Variants in GOLGB1 observed in about 807,000 individuals in gnomAD.
GOLGB1 encodes the protein golgin B1, also known as golgin subfamily B member 1.
In GOLGB1, 174 loss-of-function variants were observed where a neutral mutation model predicts 336.9. The ratio of observed to expected loss-of-function variants is 0.52; its 90% CI spans 0.46 to 0.59. The LOEUF (loss-of-function observed/expected upper bound fraction) is 0.59. Among genes scored for constraint, GOLGB1 ranks in the 20% least tolerant of loss-of-function variants. GOLGB1 has a pLI of 0.00. For missense variants in GOLGB1, 3,331 were observed against 3,645.3 expected (o/e 0.91, Z 2.22); for synonymous variants, 1,208 against 1,289.2 (o/e 0.94, Z 1.35).
intron 1 of GOLGB1, among the ~76,000 whole-genome samples, chr3:121,739,983 C>T (rs2108381335): frequency 6.6e-6 from 1 of 152,226 alleles, no homozygotes; most frequent in South Asian, 2.1e-4. Context: ...TATACAATTC[C>T]ATACTTCTAT....
chr3:121,749,620 TC>T lies in GOLGB1; in HGVS notation c.-3+11del, dbSNP rs1344152609. On this transcript the variant is annotated intron_variant, in intron 1 of 21. Coordinates refer to ENST00000614479, the MANE Select transcript of GOLGB1 (RefSeq NM_001366282.2). Reference sequence around the variant, plus strand: ...TCGCAGAGGGAAGAGTTGGGTAGCGTCCCCTACTCACCTAGAAGCGCTGCCG... The same window carrying T: ...TCGCAGAGGGAAGAGTTGGGTAGCGTCCCTACTCACCTAGAAGCGCTGCCG... 4 of 152,136 alleles carry T rather than the reference TC, an allele frequency of 2.6e-5. No individual in the cohort carries two copies. Among genetic ancestry groups the T allele is most frequent in the Admixed American group, 2.6e-4 (4 of 15,278 alleles). 9.4% of individuals were successfully genotyped at this position (152,136 alleles called of 1,614,324 possible).
intron 5 of GOLGB1, among the ~76,000 whole-genome samples, chr3:121,723,898 T>C (rs1364914809): frequency 6.6e-6 from 1 of 151,990 alleles, no homozygotes; most frequent in South Asian, 2.1e-4. Flanking sequence ...AGGATGAAGG[T>C]CATATCCCAT....
chr3:121,664,887 G>C, intron 21 of GOLGB1, 39 bp downstream of exon 21: 1 of 1,240,326 alleles, frequency 8.1e-7, no homozygotes, highest in Non-Finnish European at 1.2e-6. Context: ...AGCCCTGTCA[G>C]ATAATAAAAC....
Position 121,698,924 on chromosome 3 carries a change from G to A in GOLGB1, c.1599C>T (p.Ser533=). 2.0e-6 allele frequency: 3 copies of A among 1,532,416 alleles called. No homozygotes were observed. The highest frequency in any genetic ancestry group is 2.3e-5 in the East Asian group (1 of 43,874). The allele number at this position is 1,532,416 out of a possible 1,614,324, so 94.9% of individuals were successfully genotyped here. A position where few individuals can be genotyped will look rare whatever the true frequency, so the allele number is the denominator to read the frequency against. ...GEADREVSEI[S]IVDIANKRSS... ...TCCTCTTGTTGGCAATATCAACAAT[G>A]CTGATCTATTTTTAAAAAAGAAAAA... Residue 533 remains serine (S), a synonymous_variant, in exon 13 of 22, where the codon AGC becomes AGT. Transcript: ENST00000614479.
intron 18 of GOLGB1, chr3:121,668,630 G>A (rs1184235510): frequency 6.9e-6 from 1 of 145,854 alleles, no homozygotes; most frequent in African/African-American, 2.6e-5. Context: ...CCGAGATCGT[G>A]CTACTGCATT....
chr3:121,703,521 A>G (rs1297544268), intron 10 of GOLGB1, among the ~76,000 whole-genome samples: 1 of 152,200 alleles, frequency 6.6e-6, no homozygotes, highest in Admixed American at 6.5e-5. Flanking sequence ...GTATAAACTT[A>G]GCTGAAATTT....
chr3:121,692,743 A>G (rs1942564620), intron 13 of GOLGB1, among the ~76,000 whole-genome samples, 162 bp from the exon 14 acceptor site: 1 of 152,236 alleles, frequency 6.6e-6, no homozygotes, highest in South Asian at 2.1e-4. Context: ...CTGCACCTAC[A>G]TGTTTATCTA....
intron 14 of GOLGB1, among the ~76,000 whole-genome samples, chr3:121,687,632 T>G (rs1941889048): frequency 6.6e-6 from 1 of 151,938 alleles, no homozygotes; most frequent in South Asian, 2.1e-4. Context: ...AACACGAAAA[T>G]AAAAAAGTTG....
intron 10 of GOLGB1, among the ~76,000 whole-genome samples, chr3:121,706,733 CAAAAA>C (rs1200925309): frequency 2.0e-3 from 33 of 16,150 alleles, no homozygotes; most frequent in African/African-American, 8.0e-3. Flanking sequence ...GACTCTGTCT[CAAAAA>C]AAAAAAAAAA....
chr3:121,684,630 A>C (rs1179312211), intron 14 of GOLGB1, among the ~76,000 whole-genome samples: 1 of 152,238 alleles, frequency 6.6e-6, no homozygotes, highest in African/African-American at 2.4e-5. Context: ...TAAGCTAAAA[A>C]GCAATAAACC....
At chr3:121,707,074 A>C (rs999913442) in intron 10 of GOLGB1, among the ~76,000 whole-genome samples, 1 of 151,384 alleles carries the variant, frequency 6.6e-6, no homozygotes, top group Admixed American at 6.6e-5. Flanking sequence ...AAACAAACAA[A>C]AAAATAGCCA....
chr3:121,726,552 A>G (rs778378065), intron 5 of GOLGB1, among the ~76,000 whole-genome samples: 11 of 151,686 alleles, frequency 7.3e-5, no homozygotes, highest in Admixed American at 1.3e-4. Context: ...TGAAAAATCC[A>G]ATAGAAAAGA....
intron 1 of GOLGB1, among the ~76,000 whole-genome samples, chr3:121,747,852 G>C (rs1947476767): frequency 6.6e-6 from 1 of 151,966 alleles, no homozygotes; most frequent in African/African-American, 2.4e-5. Context: ...TTTATCAAAA[G>C]CATATAGCTG....
intron 13 of GOLGB1, 26 bp from the exon 14 acceptor site, chr3:121,692,607 T>A (rs1192292708): frequency 5.8e-6 from 8 of 1,379,822 alleles, no homozygotes; most frequent in Non-Finnish European, 6.9e-6. Flanking sequence ...GGTCATTAGT[T>A]ACAGATTTCA....
Position 121,695,900 on chromosome 3 carries a change from C to A in GOLGB1, c.4623G>T (p.Thr1541=). ...QVSAQNKEKD[T]VLGRLALLQE... The stretch of plus-strand genomic sequence containing the variant: ...GAAGAAGAGCTAACCTTCCTAAGAC[C>A]GTATCTTTTTCTTTATTTTGAGCAG... The change falls in exon 13 of 22, where the codon ACG becomes ACT. Residue 1541 remains threonine (T), a synonymous_variant. Transcript: ENST00000614479. 4 of 1,613,446 alleles carry A rather than the reference C, an allele frequency of 2.5e-6. No homozygotes were observed. Among genetic ancestry groups the A allele is most frequent in the Non-Finnish European group, 3.4e-6 (4 of 1,179,794 alleles).
intron 9 of GOLGB1, among the ~76,000 whole-genome samples, chr3:121,716,241 T>A (rs1427025487): frequency 4.6e-5 from 7 of 152,226 alleles, no homozygotes; most frequent in Non-Finnish European, 1.5e-5. Flanking sequence ...ACACATTTTT[T>A]AAAAGTTTCC....
intron 21 of GOLGB1, 127 bp downstream of exon 21, chr3:121,664,798 TC>T: frequency 1.3e-6 from 1 of 785,966 alleles, no homozygotes; most frequent in Non-Finnish European, 2.1e-6. Flanking sequence ...TCCACGCCCT[TC>T]CAGCCTTAGA....
At chr3:121,689,031 C>T (rs553653603) in intron 14 of GOLGB1, among the ~76,000 whole-genome samples, 4 of 150,082 alleles carry the variant, frequency 2.7e-5, no homozygotes, top group South Asian at 2.1e-4. Context: ...GTCAGCCCCC[C>T]GCCCAGCCAG....
intron 1 of GOLGB1, among the ~76,000 whole-genome samples, chr3:121,738,904 T>A (rs959561915): frequency 6.6e-6 from 1 of 152,236 alleles, no homozygotes; most frequent in Non-Finnish European, 1.5e-5. Context: ...GGAAACCTTA[T>A]CAAGTTAGAA....
Sources: gnomAD v4.1 joint callset for allele counts (sites outside exome capture counted in the v4.1 genomes callset) on GRCh38, gnomAD v4.1.1 for gene constraint, MANE v1.5 for transcripts, NCBI Gene and HGNC (gene_info 2026-07-23, HGNC 2026-07-21) for gene names.